Variants in CHST9 observed in about 807,000 individuals in gnomAD.
The protein encoded by CHST9 is carbohydrate sulfotransferase 9, also known as GalNAc-4-sulfotransferase 2.
A neutral mutation model predicts 44.4 loss-of-function variants in CHST9; 41 were observed. That is an observed-to-expected ratio of 0.92 (90% CI 0.72 to 1.20). The LOEUF is 1.20. CHST9 is among the 50% of genes most tolerant of loss of function. The probability of loss-of-function intolerance (pLI) is 0.00; values close to 1 mark genes in which losing one functional copy is unlikely to be tolerated. For missense variants in CHST9, 504 were observed against 516.5 expected (o/e 0.98, Z 0.23); for synonymous variants, 171 against 178.4 (o/e 0.96, Z 0.33).
At position 27,084,964 on chromosome 18, in the gene CHST9, A is replaced by ATTT. The variant is rs75949768; in HGVS notation, c.122-36462_122-36461insAAA. ...CCATGAAATTATATGGTTTGGAGAGATCTTATTATTAATTTCTATTTTTAT... is the reference window on the plus strand; with the variant it reads ...CCATGAAATTATATGGTTTGGAGAGATTTTCTTATTATTAATTTCTATTTTTAT... On this transcript the variant is annotated intron_variant, in intron 2 of 5. Transcript: ENST00000618847. 9.2e-5 allele frequency among the ~76,000 whole-genome samples: 14 copies of ATTT among 151,658 alleles called. No individual in the cohort carries two copies. The East Asian group carries it at 2.1e-3, about 23-fold the overall frequency.
At chr18:27,183,719 G>C (rs1001446698) in intron 1 of CHST9, among the ~76,000 whole-genome samples, 1 of 152,272 alleles carries the variant, frequency 6.6e-6, no homozygotes, top group Admixed American at 6.5e-5. Flanking sequence ...GTGTAGAATT[G>C]TAATATTGTT....
chr18:27,134,023 T>A (rs1307107115), intron 2 of CHST9, among the ~76,000 whole-genome samples: 1 of 152,222 alleles, frequency 6.6e-6, no homozygotes, highest in African/African-American at 2.4e-5. Context: ...GAGTATATGA[T>A]TGACAGTAAA....
chr18:26,989,731 CT>C (rs1331173081), intron 4 of CHST9, among the ~76,000 whole-genome samples: 4 of 152,178 alleles, frequency 2.6e-5, no homozygotes, highest in Non-Finnish European at 5.9e-5. Context: ...TTTTGGATTG[CT>C]TGAGGCCAGG....
In CHST9 at chr18:26,995,728, T is replaced by C. The variant is rs1239189218; in HGVS notation, c.202+28388A>G. Among the ~76,000 whole-genome samples the C allele has an allele frequency of 3.3e-5, 5 of 152,208 alleles. No individual in the cohort carries two copies. In the East Asian group the frequency reaches 9.6e-4, roughly 29 times the overall value. On this transcript the variant is annotated intron_variant, in intron 4 of 5. Coordinates refer to ENST00000618847, the MANE Select transcript of CHST9 (RefSeq NM_031422.6). ...TTCAGAAAACTTTCATTAACACTTA[T>C]AAATTGAGATGAAAAACCTAGGATG...
Position 27,136,431 on chromosome 18 carries a change from T to C in CHST9, c.121+6258A>G, listed in dbSNP as rs535451103. Among the ~76,000 whole-genome samples, 6 of 152,212 alleles carry C rather than the reference T, an allele frequency of 3.9e-5. No homozygotes were observed. In the South Asian group the frequency reaches 1.2e-3, roughly 32 times the overall value. On this transcript the variant is annotated intron_variant, in intron 2 of 5. Transcript: ENST00000618847. ...GCTGCCCACTGCCTGGCCAGTGCAC[T>C]GTGTCTTTCTCTAGTGCCTTCTCTT...
rs372579225 is a variant in CHST9 at position 27,048,498 on chromosome 18, C to A, written c.127G>T (p.Val43Leu). The A allele has an allele frequency of 8.7e-6, 14 of 1,605,530 alleles. No homozygotes were observed. Among genetic ancestry groups the A allele is most frequent in the African/African-American group, 1.3e-5 (1 of 74,538 alleles). The change falls in exon 3 of 6, where the codon GTG (valine) becomes TTG (leucine). Residue 43 changes from valine (V) to leucine (L), a missense_variant. Transcript: ENST00000618847. ...VWIEEQHTGRVEKRREQKVTS... is the reference protein window; with the variant it reads ...VWIEEQHTGRLEKRREQKVTS... The stretch of plus-strand genomic sequence containing the variant: ...ACTTTTTGTTCTCTTCTCTTCTCCA[C>A]TCTCCCTGAAATGAGAAGTGGAAGA...
intron 2 of CHST9, among the ~76,000 whole-genome samples, chr18:27,090,377 T>G (rs1312805423): frequency 6.6e-5 from 10 of 152,208 alleles, no homozygotes; most frequent in Admixed American, 3.9e-4. Flanking sequence ...TTGCAGAAAT[T>G]TTCTCCTATT....
At chr18:27,047,538 A>T (rs749685584) in intron 3 of CHST9, among the ~76,000 whole-genome samples, 7 of 152,108 alleles carry the variant, frequency 4.6e-5, no homozygotes, top group Non-Finnish European at 1.0e-4. Context: ...TGGAAAGGAC[A>T]AAAGAGACAG....
intron 2 of CHST9, among the ~76,000 whole-genome samples, chr18:27,093,686 C>A (rs1041363843): frequency 6.6e-6 from 1 of 152,238 alleles, no homozygotes; most frequent in African/African-American, 2.4e-5. Flanking sequence ...AATCTCCCAA[C>A]CCCTTGTGCT....
intron 4 of CHST9, among the ~76,000 whole-genome samples, chr18:26,982,463 C>T (rs1345529786): frequency 6.6e-6 from 1 of 151,614 alleles, no homozygotes; most frequent in African/African-American, 2.4e-5. Context: ...AAAACAGTAG[C>T]AACAAAACTC....
chr18:27,181,987 C>T (rs2058915903), intron 1 of CHST9, among the ~76,000 whole-genome samples: 1 of 152,288 alleles, frequency 6.6e-6, no homozygotes, highest in South Asian at 2.1e-4. Context: ...TTAACCTAAA[C>T]ACAAGAAAAT....
At chr18:26,961,618 A>C (rs2056401534) in intron 4 of CHST9, among the ~76,000 whole-genome samples, 3 of 152,020 alleles carry the variant, frequency 2.0e-5, no homozygotes, top group Non-Finnish European at 4.4e-5. Flanking sequence ...GTAGAGATGA[A>C]GGTCTTGCTT....
At chr18:27,061,191 T>C (rs186860847) in intron 2 of CHST9, among the ~76,000 whole-genome samples, 1 of 152,276 alleles carries the variant, frequency 6.6e-6, no homozygotes, top group Non-Finnish European at 1.5e-5. Context: ...ACCCCAAGGA[T>C]GAAGTCACCA....
intron 2 of CHST9, among the ~76,000 whole-genome samples, chr18:27,077,380 T>C (rs7240838): frequency 0.3 from 45,065 of 152,160 alleles, 7,579 homozygotes; most frequent in Non-Finnish European, 0.38. Flanking sequence ...TTTTATTCTA[T>C]AGTTTTTCTT....
chr18:27,003,108 A>G (rs1161299490), intron 4 of CHST9, among the ~76,000 whole-genome samples: 1 of 152,194 alleles, frequency 6.6e-6, no homozygotes, highest in Admixed American at 6.5e-5. Context: ...GGCATTGGAA[A>G]TAACATTTGT....
At chr18:27,020,884 AT>A in intron 4 of CHST9, among the ~76,000 whole-genome samples, 1 of 152,204 alleles carries the variant, frequency 6.6e-6, no homozygotes, top group East Asian at 1.9e-4. Flanking sequence ...GACGCTGAAC[AT>A]TTTCCTAGTG....
chr18:27,153,546 CTG>C lies in CHST9; in HGVS notation c.-96-10643_-96-10642del, dbSNP rs370815871. Reference sequence around the variant, plus strand: ...TGTCTTTCTCTCTCTCTCTCTCTCTCTGTGTGTGTGTGTGTGTGTGTATGTGT... The same window carrying C: ...TGTCTTTCTCTCTCTCTCTCTCTCTCTGTGTGTGTGTGTGTGTGTATGTGT... On this transcript the variant is annotated intron_variant, in intron 1 of 5. Coordinates refer to ENST00000618847, the MANE Select transcript of CHST9 (RefSeq NM_031422.6). 6.9e-3 allele frequency among the ~76,000 whole-genome samples: 956 copies of C among 138,492 alleles called. 14 individuals carry two copies. The highest frequency in any genetic ancestry group is 0.022 in the African/African-American group (832 of 37,876). The allele number at this position is 138,492 out of a possible 152,430, so 90.9% of individuals were successfully genotyped here. A position where few individuals can be genotyped will look rare whatever the true frequency, so the allele number is the denominator to read the frequency against.
intron 1 of CHST9, among the ~76,000 whole-genome samples, chr18:27,149,862 CT>C (rs2058646258): frequency 6.6e-6 from 1 of 151,942 alleles, no homozygotes; most frequent in African/African-American, 2.4e-5. Context: ...TCTGTTCCTA[CT>C]TATTTCATAT....
intron 2 of CHST9, among the ~76,000 whole-genome samples, chr18:27,131,074 G>T (rs1388234628): frequency 1.3e-5 from 2 of 152,224 alleles, no homozygotes; most frequent in South Asian, 2.1e-4. Context: ...CAGGTTAGAA[G>T]TGAGTATCCT....
Sources: gnomAD v4.1 joint callset for allele counts (sites outside exome capture counted in the v4.1 genomes callset) on GRCh38, gnomAD v4.1.1 for gene constraint, MANE v1.5 for transcripts, NCBI Gene and HGNC (gene_info 2026-07-23, HGNC 2026-07-21) for gene names.